Variants in LMLN observed in about 807,000 individuals in gnomAD.
The protein encoded by LMLN is leishmanolysin like peptidase.
Under a neutral mutation model 92.3 loss-of-function variants are expected in LMLN, and 70 were observed. The observed-to-expected ratio is 0.76, with a 90% CI of 0.63 to 0.92. LMLN has a LOEUF of 0.92. LMLN is among the 40% of genes least tolerant of loss of function. The pLI, the probability that LMLN is intolerant of heterozygous loss-of-function variation, is 0.00. For synonymous variants in LMLN, 308 were observed against 296.2 expected (o/e 1.04, Z -0.41); for missense variants, 691 against 814.6 (o/e 0.85, Z 1.85).
At chr3:197,982,901 A>G (rs1384793055) in intron 6 of LMLN, among the ~76,000 whole-genome samples, 1 of 152,218 alleles carries the variant, frequency 6.6e-6, no homozygotes, top group Admixed American at 6.5e-5. Context: ...TTGTGAAGGC[A>G]GAAGCCATGT....
intron 6 of LMLN, among the ~76,000 whole-genome samples, chr3:197,980,906 G>C (rs1721538187): frequency 6.6e-6 from 1 of 151,934 alleles, no homozygotes; most frequent in South Asian, 2.1e-4. Flanking sequence ...AGGAGCTCGA[G>C]ACCCGCTTGG....
intron 11 of LMLN, among the ~76,000 whole-genome samples, chr3:198,018,121 C>T (rs893623755): frequency 6.6e-6 from 1 of 152,076 alleles, no homozygotes; most frequent in Admixed American, 6.6e-5. Context: ...CTTTTTTCCT[C>T]TTTATTCATT....
chr3:197,984,104 T>A (rs1168463132), intron 7 of LMLN, 56 bp downstream of exon 7: 3 of 1,127,664 alleles, frequency 2.7e-6, no homozygotes, highest in Non-Finnish European at 4.1e-6. Context: ...GCTTAGTATG[T>A]TCTCATTTTT....
intron 8 of LMLN, among the ~76,000 whole-genome samples, chr3:197,988,914 C>A (rs1031762427): frequency 6.6e-6 from 1 of 152,078 alleles, no homozygotes; most frequent in Non-Finnish European, 1.5e-5. Context: ...TACTCCTGAC[C>A]TCTAGTGATT....
intron 14 of LMLN, among the ~76,000 whole-genome samples, chr3:198,026,004 T>C (rs1722921929): frequency 6.6e-6 from 1 of 152,098 alleles, no homozygotes; most frequent in Non-Finnish European, 1.5e-5. Context: ...TCACCCAGGC[T>C]AGAGACAATG....
At chr3:197,985,959 C>A in intron 8 of LMLN, 69 bp downstream of exon 8, 2 of 944,878 alleles carry the variant, frequency 2.1e-6, no homozygotes, top group Non-Finnish European at 3.4e-6. Flanking sequence ...CTGAGAATCA[C>A]AGTATATTAG....
exon 15 of LMLN, chr3:198,035,856 G>A (rs755467542): frequency 1.9e-6 from 3 of 1,614,044 alleles, no homozygotes; most frequent in Admixed American, 3.3e-5. Context: ...CTCAAGGTCT[G>A]AAAGTTTGGG....
In LMLN at chr3:198,035,503, C is replaced by G. The variant is rs186548920; in HGVS notation, c.1657-330C>G. 1.8e-4 allele frequency among the ~76,000 whole-genome samples: 28 copies of G among 151,446 alleles called. No homozygotes were observed. In the South Asian group the frequency reaches 4.8e-3, roughly 26 times the overall value. ...TCAGCCTCCTGAGTAGCTGGGACTA[C>G]AGGTGCATGACACCACGCCCAGCTA... On this transcript the variant is annotated intron_variant, in intron 14 of 15. Coordinates refer to ENST00000330198, the Ensembl canonical transcript of LMLN.
chr3:197,974,149 C>T (rs1581133356), intron 1 of LMLN, among the ~76,000 whole-genome samples: 1 of 152,178 alleles, frequency 6.6e-6, no homozygotes, highest in Non-Finnish European at 1.5e-5. Flanking sequence ...GCTACTGTAT[C>T]CATAATGATT....
rs772819288 is a variant in LMLN, at chr3:198,038,694, T to A, written c.*27T>A. The stretch of plus-strand genomic sequence containing the variant: ...AATGGAAAAGTGGATCTTCAAGATA[T>A]TCTTTTATGTTATGTTCTTGTGAAC... On this transcript the variant is annotated 3_prime_UTR_variant, in exon 16 of 16. Transcript: ENST00000330198. 2.0e-6 allele frequency: 3 copies of A among 1,502,502 alleles called. No homozygotes were observed. In the South Asian group the frequency reaches 3.4e-5, roughly 17 times the overall value. The allele number at this position is 1,502,502 out of a possible 1,614,324, so 93.1% of individuals were successfully genotyped here.
chr3:198,034,518 C>T (rs147322578), intron 14 of LMLN, among the ~76,000 whole-genome samples: 1,833 of 151,622 alleles, frequency 0.012, 15 homozygotes, highest in Non-Finnish European at 0.017. Flanking sequence ...GGCTTAGGCA[C>T]GAGAATTGCT....
At chr3:198,043,167 C>T (rs1207827701) in exon 16 of LMLN, 5 of 152,186 alleles carry the variant, frequency 3.3e-5, no homozygotes, top group Non-Finnish European at 7.3e-5. Flanking sequence ...TGACTGAGGC[C>T]ATCTGTGAAC....
intron 3 of LMLN, 134 bp from the exon 4 acceptor site, chr3:197,975,895 A>G (rs1721363644): frequency 1.8e-6 from 1 of 563,318 alleles, no homozygotes; most frequent in Non-Finnish European, 3.1e-6. Context: ...CTTGCCATAC[A>G]ACCTTGACTA....
intron 4 of LMLN, chr3:197,976,372 T>C (rs932571013): frequency 2.1e-6 from 1 of 483,422 alleles, no homozygotes; most frequent in African/African-American, 2.0e-5. Context: ...TTTTTCCCTC[T>C]TTCATGTGGA....
At chr3:197,967,237 C>T (rs760332994) in intron 1 of LMLN, among the ~76,000 whole-genome samples, 17 of 152,242 alleles carry the variant, frequency 1.1e-4, no homozygotes, top group East Asian at 3.9e-4. Context: ...TCAGGTTTAT[C>T]GGGGGAACCC....
chr3:197,976,030 A>G (rs371968955), exon 4 of LMLN: 11 of 1,576,046 alleles, frequency 7.0e-6, no homozygotes, highest in East Asian at 2.2e-5. Context: ...TTTATTTAGA[A>G]CAAGCTTTTC....
At chr3:198,032,751 C>A (rs1405423520) in intron 14 of LMLN, among the ~76,000 whole-genome samples, 1 of 152,174 alleles carries the variant, frequency 6.6e-6, no homozygotes, top group African/African-American at 2.4e-5. Context: ...TCCCCATGAC[C>A]CAGACACCTC....
chr3:198,021,863 G>A lies in LMLN; in HGVS notation c.1525+258G>A, dbSNP rs189629442. ...TGCTTACAATTGTGCCTGACCCATCGAAGGGATTATTCGCGTATGCATGCA... is the reference window on the plus strand; with the variant it reads ...TGCTTACAATTGTGCCTGACCCATCAAAGGGATTATTCGCGTATGCATGCA... On this transcript the variant is annotated intron_variant, in intron 13 of 15. Coordinates refer to ENST00000330198, the Ensembl canonical transcript of LMLN. 1.1e-4 allele frequency among the ~76,000 whole-genome samples: 16 copies of A among 152,290 alleles called. No individual in the cohort carries two copies. In the East Asian group the frequency reaches 3.1e-3, roughly 29 times the overall value.
intron 1 of LMLN, among the ~76,000 whole-genome samples, chr3:197,970,141 GAC>G (rs1721183609): frequency 6.6e-6 from 1 of 151,636 alleles, no homozygotes; most frequent in Non-Finnish European, 1.5e-5. Context: ...AATAGAGAGA[GAC>G]TGTCTCAAAA....
Sources: allele counts gnomAD v4.1 joint callset (sites outside exome capture counted in the v4.1 genomes callset), GRCh38; gene constraint gnomAD v4.1.1; transcripts MANE v1.5; gene names NCBI Gene and HGNC (gene_info 2026-07-23, HGNC 2026-07-21).